KDM3A: variants seen among roughly 807,000 people sequenced by gnomAD.
KDM3A encodes the protein lysine-specific demethylase 3A.
KDM3A carries 60 observed loss-of-function variants against 158.0 expected under a neutral mutation model. The observed-to-expected ratio is 0.38, with a 90% CI of 0.31 to 0.47. KDM3A has a LOEUF of 0.47. KDM3A is among the 20% of genes least tolerant of loss of function. The pLI is 0.99. For missense variants in KDM3A, 1,319 were observed against 1,574.3 expected, an observed-to-expected ratio of 0.84 and a Z score of 2.74; for synonymous variants, 608 against 549.3, an observed-to-expected ratio of 1.11 and a Z score of -1.49.
At chr2:86,477,794 GAATGAC>G (rs759978071) in intron 12 of KDM3A, 77 bp from the exon 13 acceptor site, 22 of 1,296,864 alleles carry the variant, frequency 1.7e-5, no homozygotes, top group African/African-American at 3.0e-5. Flanking sequence ...TCACAGGGAG[GAATGAC>G]AATAACCCCT....
At chr2:86,440,630 T>C (rs889454908), upstream of KDM3A, 7 of 152,274 alleles carry the variant, frequency 4.6e-5, no homozygotes, top group Non-Finnish European at 1.5e-5. Context: ...TCTTTTGCTC[T>C]AAATTTAATG....
At chr2:86,453,859 A>G (rs1672575151) in intron 4 of KDM3A, among the ~76,000 whole-genome samples, 1 of 152,206 alleles carries the variant, frequency 6.6e-6, no homozygotes. Context: ...GTCATTATCC[A>G]TTTCACAGTG....
At chr2:86,466,299 CAGTT>C (rs1332235207) in intron 9 of KDM3A, 69 bp from the exon 10 acceptor site, 10 of 1,439,238 alleles carry the variant, frequency 6.9e-6, no homozygotes, top group Middle Eastern at 4.3e-4. Context: ...GGGAACCAAA[CAGTT>C]TGTTTGGGGA....
At chr2:86,485,106 A>T in intron 20 of KDM3A, 77 bp downstream of exon 20, 2 of 829,992 alleles carry the variant, frequency 2.4e-6, no homozygotes, top group Non-Finnish European at 4.0e-6. Context: ...GTAGTGAGAA[A>T]ACAGTTTTCA....
intron 11 of KDM3A, among the ~76,000 whole-genome samples, chr2:86,474,390 C>T (rs532182986): frequency 2.0e-5 from 3 of 152,174 alleles, no homozygotes; most frequent in South Asian, 2.1e-4. Context: ...TGGATGGGCA[C>T]GGTGGCTCAT....
At chr2:86,471,275 ATG>A (rs1303187098) in intron 11 of KDM3A, among the ~76,000 whole-genome samples, 2 of 133,642 alleles carry the variant, frequency 1.5e-5, no homozygotes, top group Non-Finnish European at 3.1e-5. Context: ...ATGTGTATAT[ATG>A]TGTGTATATA....
rs753560307 is a variant in KDM3A, at chr2:86,466,486, G to T, written c.1122G>T (p.Gln374His). The T allele has an allele frequency of 1.2e-6, 2 of 1,613,942 alleles. No individual in the cohort carries two copies. The highest frequency in any genetic ancestry group is 4.5e-5 in the East Asian group (2 of 44,882). Reference protein sequence around the residue: ...CKAGLLSKSSQIGTGDLKILT... With the variant: ...CKAGLLSKSSHIGTGDLKILT... ...CAGGGTTGCTCTCAAAGTCCTCTCA[G>T]ATTGGAACTGGAGACTTGAAAATTC... Residue 374 changes from glutamine (Q) to histidine (H), a missense_variant, in exon 10 of 26, where the codon CAG becomes CAT. Gln to His is a conservative substitution (Grantham distance 24). This residue lies in a region of KDM3A where 652 missense variants were observed against 627.2 expected (regional missense o/e 1.04). Coordinates refer to ENST00000312912, the MANE Select transcript of KDM3A (RefSeq NM_018433.6).
At chr2:86,440,682 C>G (rs866143170), upstream of KDM3A, 2 of 152,212 alleles carry the variant, frequency 1.3e-5, no homozygotes, top group African/African-American at 4.8e-5. Context: ...TTCATTTATC[C>G]TTCAAAATGG....
intron 23 of KDM3A, chr2:86,490,644 T>A (rs1026646672): frequency 2.4e-6 from 1 of 421,794 alleles, no homozygotes; most frequent in Non-Finnish European, 4.2e-6. Flanking sequence ...ATTTACAAAC[T>A]TATGCAGAGC....
chr2:86,471,307 GTA>G (rs949433658), intron 11 of KDM3A, among the ~76,000 whole-genome samples: 3 of 151,356 alleles, frequency 2.0e-5, no homozygotes, highest in African/African-American at 4.9e-5. Flanking sequence ...GTGTGTATGT[GTA>G]TATATGTGTA....
intron 12 of KDM3A, among the ~76,000 whole-genome samples, chr2:86,475,586 G>C (rs1167735043): frequency 6.6e-6 from 1 of 152,204 alleles, no homozygotes; most frequent in Non-Finnish European, 1.5e-5. Context: ...ATTAGAGCCA[G>C]ACCTCCTTCA....
intron 23 of KDM3A, 177 bp from the exon 24 acceptor site, chr2:86,490,704 T>C: frequency 1.9e-6 from 1 of 538,132 alleles, no homozygotes. Context: ...TTCGTCATTC[T>C]TCTGTTGGTT....
intron 2 of KDM3A, among the ~76,000 whole-genome samples, chr2:86,447,734 C>G (rs1683014375): frequency 6.6e-6 from 1 of 152,048 alleles, no homozygotes; most frequent in Non-Finnish European, 1.5e-5. Context: ...TAGTTGGTTT[C>G]CTTTGTAATC....
chr2:86,453,173 A>AGGGGCTGT (rs1342558626), intron 4 of KDM3A, among the ~76,000 whole-genome samples: 1 of 152,170 alleles, frequency 6.6e-6, no homozygotes, highest in Non-Finnish European at 1.5e-5. Context: ...TCTCGGGAAG[A>AGGGGCTGT]GGGGCTGTGG....
At position 86,466,590 on chromosome 2, in the gene KDM3A, C is replaced by T. The variant is rs538773515; in HGVS notation, c.1226C>T (p.Ala409Val). ...AACAGATTGGAGTCTGTTCCACAAGCATTGACTGGCCTTCCTAAGGAGTGC... is the reference window on the plus strand; with the variant it reads ...AACAGATTGGAGTCTGTTCCACAAGTATTGACTGGCCTTCCTAAGGAGTGC... ...QENRLESVPQALTGLPKECLP... is the reference protein window; with the variant it reads ...QENRLESVPQVLTGLPKECLP... Residue 409 changes from alanine (A) to valine (V), a missense_variant, in exon 10 of 26, where the codon GCA (alanine) becomes GTA (valine). Ala to Val is a moderately conservative substitution (Grantham distance 64, BLOSUM62 0). This residue lies in a region of KDM3A where 652 missense variants were observed against 627.2 expected (regional missense o/e 1.04). Coordinates refer to ENST00000312912, the MANE Select transcript of KDM3A (RefSeq NM_018433.6). The T allele has an allele frequency of 1.1e-5, 18 of 1,613,976 alleles. No homozygotes were observed. The East Asian group carries it at 4.0e-4, about 36-fold the overall frequency.
chr2:86,489,338 C>G lies in KDM3A; in HGVS notation c.3334C>G (p.Arg1112Gly). Reference sequence around the variant, plus strand: ...TGCAGGATTAATCACTCCTGAAGATCGGAAATATGGAACAACAAATCTTCA... The same window carrying G: ...TGCAGGATTAATCACTCCTGAAGATGGGAAATATGGAACAACAAATCTTCA... Reference protein sequence around the residue: ...NAYGLITPEDRKYGTTNLHLD... With the variant: ...NAYGLITPEDGKYGTTNLHLD... Residue 1112 changes from arginine to glycine, a missense_variant, in exon 22 of 26, where the codon CGG becomes GGG. This residue lies in a region of KDM3A where 186 missense variants were observed against 340.9 expected (regional missense o/e 0.55). Transcript: ENST00000312912. 1 of 1,613,756 alleles carries G rather than the reference C, an allele frequency of 6.2e-7. No individual in the cohort carries two copies. Among genetic ancestry groups the G allele is most frequent in the Non-Finnish European group, 8.5e-7 (1 of 1,179,870 alleles).
At position 86,474,979 on chromosome 2, in the gene KDM3A, T is replaced by C. The variant is rs760516953; in HGVS notation, c.1928T>C (p.Ile643Thr). 3.7e-6 allele frequency: 6 copies of C among 1,613,816 alleles called. No homozygotes were observed. Among genetic ancestry groups the C allele is most frequent in the East Asian group, 4.5e-5 (2 of 44,882 alleles). ...VISEKEAMST[I>T]EPHRQVAWKR... ...TCTGAAAAGGAAGCTATGTCAACTA[T>C]TGAGCCACACAGTAAGAGCATCTCT... Residue 643 changes from isoleucine (I) to threonine (T), a missense_variant, in exon 12 of 26, where the codon ATT (isoleucine) becomes ACT (threonine). Coordinates refer to ENST00000312912, the MANE Select transcript of KDM3A (RefSeq NM_018433.6).
chr2:86,450,956 C>A lies in KDM3A; in HGVS notation c.343-147C>A, dbSNP rs1038394822. On this transcript the variant is annotated intron_variant, in intron 3 of 25. Transcript: ENST00000312912. The stretch of plus-strand genomic sequence containing the variant: ...ATAAAAATTGTATTATCTATGGCTG[C>A]ATAAATAGTTGTTATGAGATAACTT... 1.4e-5 allele frequency: 8 copies of A among 560,848 alleles called. No homozygotes were observed. The African/African-American group carries it at 1.5e-4, about 11-fold the overall frequency. 34.7% of individuals were successfully genotyped at this position (560,848 alleles called of 1,614,324 possible).
chr2:86,482,484 A>C lies in KDM3A; in HGVS notation c.2712A>C (p.Pro904=). The C allele has an allele frequency of 6.2e-7, 1 of 1,614,060 alleles. No homozygotes were observed. The part of the protein sequence containing the change: ...GKTENGLKNT[P]KILDDIFASL... Reference sequence around the variant, plus strand: ...CAGAAAATGGACTCAAGAATACACCAAAAATCCTTGATGACATCTTTGCCT... The same window carrying C: ...CAGAAAATGGACTCAAGAATACACCCAAAATCCTTGATGACATCTTTGCCT... The change falls in exon 18 of 26, where the codon CCA becomes CCC. Residue 904 remains proline, a synonymous_variant. Coordinates refer to ENST00000312912, the MANE Select transcript of KDM3A (RefSeq NM_018433.6).
Sources: allele counts gnomAD v4.1 joint callset (sites outside exome capture counted in the v4.1 genomes callset), GRCh38; gene constraint gnomAD v4.1.1; regional missense constraint gnomAD v4.1.1; transcripts MANE v1.5; gene names NCBI Gene and HGNC (gene_info 2026-07-23, HGNC 2026-07-21).